Variants in PARD3B observed in about 807,000 individuals in gnomAD.
PARD3B encodes par-3 family cell polarity regulator beta.
A neutral mutation model predicts 130.2 loss-of-function variants in PARD3B; 103 were observed. That is an observed-to-expected ratio of 0.79 (90% CI 0.67 to 0.93). The LOEUF (loss-of-function observed/expected upper bound fraction) is 0.93. Ranked by LOEUF, PARD3B falls within the 40% of genes least tolerant of loss-of-function variation. PARD3B has a pLI of 0.00. For synonymous variants in PARD3B, 583 were observed against 553.2 expected, an observed-to-expected ratio of 1.05 and a Z score of -0.76; for missense variants, 1,609 against 1,499.2, an observed-to-expected ratio of 1.07 and a Z score of -1.21.
intron 2 of PARD3B, among the ~76,000 whole-genome samples, chr2:204,796,530 G>A (rs2042382156): frequency 6.6e-6 from 1 of 152,156 alleles, no homozygotes; most frequent in Non-Finnish European, 1.5e-5. Flanking sequence ...ACATCTCAAC[G>A]TAGACCATGA....
At chr2:204,939,940 C>T (rs1688776005) in intron 2 of PARD3B, among the ~76,000 whole-genome samples, 1 of 152,174 alleles carries the variant, frequency 6.6e-6, no homozygotes, top group Non-Finnish European at 1.5e-5. Context: ...TTACTGATAT[C>T]TCCTGATAAG....
chr2:205,112,167 A>G (rs1428043828), intron 5 of PARD3B, among the ~76,000 whole-genome samples: 8 of 152,044 alleles, frequency 5.3e-5, no homozygotes, highest in Admixed American at 4.6e-4. Flanking sequence ...AACAAGTTTT[A>G]TATATATCAG....
In PARD3B at chr2:204,677,687, GTAA is replaced by G. The variant is rs1198853799; in HGVS notation, c.121-8485_121-8483del. ...CCTTGTATTATCATAGCCTAAGATG[GTAA>G]TAATAATATTTTTAGCAGACTCATC... On this transcript the variant is annotated intron_variant, in intron 1 of 22. Coordinates refer to ENST00000406610, the MANE Select transcript of PARD3B (RefSeq NM_001302769.2). The surrounding 1 kb of genome is among the most constrained non-coding windows in gnomAD (Gnocchi z 4.1). 2.6e-5 allele frequency among the ~76,000 whole-genome samples: 4 copies of G among 152,268 alleles called. No homozygotes were observed. The highest frequency in any genetic ancestry group is 9.6e-5 in the African/African-American group (4 of 41,542).
intron 18 of PARD3B, among the ~76,000 whole-genome samples, chr2:205,393,311 A>C (rs2045920796): frequency 1.3e-5 from 2 of 152,188 alleles, no homozygotes; most frequent in Non-Finnish European, 2.9e-5. Context: ...GTAATTTATA[A>C]AATGTAAGGA....
At chr2:204,922,432 C>T (rs1398635805) in intron 2 of PARD3B, among the ~76,000 whole-genome samples, 1 of 151,980 alleles carries the variant, frequency 6.6e-6, no homozygotes, top group Non-Finnish European at 1.5e-5. Context: ...TTAGGTAGTA[C>T]TATTGAATGA....
chr2:204,726,724 A>C (rs2039246031), intron 2 of PARD3B, among the ~76,000 whole-genome samples: 1 of 152,120 alleles, frequency 6.6e-6, no homozygotes, highest in Non-Finnish European at 1.5e-5. Context: ...TAATTTTCAT[A>C]CTTGCCTTTT....
At chr2:204,695,372 T>C (rs1262720857) in intron 2 of PARD3B, among the ~76,000 whole-genome samples, 2 of 152,044 alleles carry the variant, frequency 1.3e-5, no homozygotes, top group Non-Finnish European at 2.9e-5. Context: ...ACATCTTCTT[T>C]TAAAAATGCA....
intron 2 of PARD3B, among the ~76,000 whole-genome samples, chr2:204,758,337 C>T (rs539008155): frequency 1.3e-5 from 2 of 152,112 alleles, no homozygotes; most frequent in Non-Finnish European, 2.9e-5. Context: ...AGGCATGTTT[C>T]ACTGGGATCT....
chr2:205,233,191 A>C (rs2038921735), intron 15 of PARD3B, among the ~76,000 whole-genome samples: 1 of 152,208 alleles, frequency 6.6e-6, no homozygotes, highest in African/African-American at 2.4e-5. Context: ...TCTCACAGGA[A>C]AAATACAAAG....
intron 18 of PARD3B, among the ~76,000 whole-genome samples, chr2:205,331,265 C>CCACACACACACACA (rs56170026): frequency 1.2e-4 from 18 of 148,724 alleles, no homozygotes; most frequent in African/African-American, 4.5e-4. Context: ...CACATATATT[C>CCACACACACACACA]CACACACACA....
chr2:205,233,654 T>G (rs950055357), intron 15 of PARD3B, among the ~76,000 whole-genome samples: 1 of 152,106 alleles, frequency 6.6e-6, no homozygotes, highest in African/African-American at 2.4e-5. Context: ...AACCTATCAT[T>G]AAGTTGAAAA....
At chr2:205,528,348 C>G (rs2051427487) in intron 21 of PARD3B, among the ~76,000 whole-genome samples, 1 of 152,186 alleles carries the variant, frequency 6.6e-6, no homozygotes, top group African/African-American at 2.4e-5. Context: ...TTTGCTGCCC[C>G]TCAACAAATG....
In PARD3B at chr2:205,440,756, C is replaced by G; in HGVS notation, c.3044+84C>G. The G allele has an allele frequency of 7.3e-7, 1 of 1,367,686 alleles. No individual in the cohort carries two copies. Among genetic ancestry groups the G allele is most frequent in the Non-Finnish European group, 1.0e-6 (1 of 999,206 alleles). 84.7% of individuals were successfully genotyped at this position (1,367,686 alleles called of 1,614,324 possible). A position where few individuals can be genotyped will look rare whatever the true frequency, so the allele number is the denominator to read the frequency against. On this transcript the variant is annotated intron_variant, in intron 20 of 22. Transcript: ENST00000406610. The surrounding 1 kb of genome is among the most constrained non-coding windows in gnomAD (Gnocchi z 4.2). ...TACTGCTGAAACCGATAAAAAATGT[C>G]TCCTTCAATCAATTAAAACTGAAAC...
intron 1 of PARD3B, among the ~76,000 whole-genome samples, chr2:204,573,958 G>A (rs568547567): frequency 6.6e-6 from 1 of 152,264 alleles, no homozygotes; most frequent in South Asian, 2.1e-4. Context: ...CTCCAAGTAT[G>A]TCTTAGCAGC....
At chr2:205,491,588 C>T (rs570888806) in intron 20 of PARD3B, among the ~76,000 whole-genome samples, 22 of 152,186 alleles carry the variant, frequency 1.4e-4, no homozygotes, top group Non-Finnish European at 2.6e-4. Context: ...CTTGGCAATG[C>T]GGGCTCTTTT....
rs370011164 is a variant in PARD3B at position 205,089,167 on chromosome 2, C to CT, written c.505-15252dup. ...CTTTCTTTTTTTTTTTTCTTTTTTT[C>CT]TTTTTTTGTTTGTTTGTTTGGAGAT... is the stretch of plus-strand genomic sequence containing the variant. On this transcript the variant is annotated intron_variant, in intron 4 of 22. Coordinates refer to ENST00000406610, the MANE Select transcript of PARD3B (RefSeq NM_001302769.2). Among the ~76,000 whole-genome samples the CT allele has an allele frequency of 8.3e-3, 1,001 of 120,144 alleles. 13 individuals are homozygous for CT. The highest frequency in any genetic ancestry group is 0.031 in the African/African-American group (954 of 31,194). 78.8% of individuals were successfully genotyped at this position (120,144 alleles called of 152,430 possible).
intron 1 of PARD3B, among the ~76,000 whole-genome samples, chr2:204,579,506 A>G (rs1264336279): frequency 6.6e-6 from 1 of 152,160 alleles, no homozygotes; most frequent in Non-Finnish European, 1.5e-5. Context: ...GCTTCATCTA[A>G]GGAAACTGGC....
chr2:205,410,425 G>A (rs73985012), intron 19 of PARD3B, among the ~76,000 whole-genome samples: 1,930 of 152,142 alleles, frequency 0.013, 47 homozygotes, highest in African/African-American at 0.044. Flanking sequence ...ATTCATTTTC[G>A]TGGCATTGGA....
intron 16 of PARD3B, among the ~76,000 whole-genome samples, chr2:205,299,207 T>G (rs1488996038): frequency 6.6e-6 from 1 of 152,224 alleles, no homozygotes; most frequent in Non-Finnish European, 1.5e-5. Context: ...GTACTTCTTT[T>G]GTATTCCTTA....
Sources: allele counts gnomAD v4.1 joint callset (sites outside exome capture counted in the v4.1 genomes callset), GRCh38; gene constraint gnomAD v4.1.1; non-coding constraint Gnocchi (gnomAD v3.1); transcripts MANE v1.5; gene names NCBI Gene and HGNC (gene_info 2026-07-23, HGNC 2026-07-21).